VPS36: variants seen among roughly 807,000 people sequenced by gnomAD.
The protein encoded by VPS36 is vacuolar protein-sorting-associated protein 36.
Under a neutral mutation model 63.5 loss-of-function variants are expected in VPS36, and 31 were observed. The ratio of observed to expected loss-of-function variants is 0.49; its 90% CI spans 0.37 to 0.66. The LOEUF (loss-of-function observed/expected upper bound fraction) is 0.66, where lower values mean the gene tolerates loss of function less well. Ranked by LOEUF, VPS36 falls within the 30% of genes least tolerant of loss-of-function variation. The pLI is 0.00. For synonymous variants in VPS36, 138 were observed against 157.2 expected (o/e 0.88, Z 0.91); for missense variants, 338 against 463.7 (o/e 0.73, Z 2.49).
intron 7 of VPS36, 35 bp from the exon 8 acceptor site, chr13:52,427,101 T>C (rs1958109591): frequency 2.5e-6 from 4 of 1,604,364 alleles, no homozygotes; most frequent in African/African-American, 1.3e-5. Context: ...AAAAGCACTA[T>C]TGTCCCCAAA....
At chr13:52,450,339 G>A in intron 1 of VPS36, 160 bp downstream of exon 1, 1 of 1,183,822 alleles carries the variant, frequency 8.4e-7, no homozygotes, top group East Asian at 3.8e-5. Context: ...GGCGGGGAGC[G>A]CAAGAGCGCT....
intron 9 of VPS36, among the ~76,000 whole-genome samples, chr13:52,424,505 T>C (rs965133138): frequency 8.5e-5 from 13 of 152,122 alleles, no homozygotes; most frequent in African/African-American, 3.1e-4. Flanking sequence ...AGGAAATACA[T>C]AGGACCAGAA....
chr13:52,418,573 C>CAAAAAAAAAAAAAAAAAAAAAAA (rs1201650906), intron 10 of VPS36, among the ~76,000 whole-genome samples: 1 of 31,158 alleles, frequency 3.2e-5, no homozygotes, highest in African/African-American at 9.7e-5. Flanking sequence ...GACTCCATCT[C>CAAAAAAAAAAAAAAAAAAAAAAA]AAAAAAAAAA....
intron 1 of VPS36, among the ~76,000 whole-genome samples, chr13:52,445,746 A>C (rs1443808509): frequency 2.8e-5 from 4 of 143,130 alleles, no homozygotes; most frequent in Non-Finnish European, 6.1e-5. Flanking sequence ...GACCATCCTG[A>C]CTAACACGGT....
In VPS36 at chr13:52,415,811, G is replaced by T. The variant is rs1486110621; in HGVS notation, c.*19C>A. On this transcript the variant is annotated 3_prime_UTR_variant, in exon 14 of 14. Coordinates refer to ENST00000378060, the MANE Select transcript of VPS36 (RefSeq NM_016075.4). ...ATGACGCAAGCATATGGACAAAAAG[G>T]ATTTTAAATACAAAACCCTTAGCTC... 1 of 1,611,052 alleles carries T rather than the reference G, an allele frequency of 6.2e-7. No individual in the cohort carries two copies. The highest frequency in any genetic ancestry group is 8.5e-7 in the Non-Finnish European group (1 of 1,178,468).
At chr13:52,429,832 T>C (rs185315825) in intron 6 of VPS36, among the ~76,000 whole-genome samples, 245 of 152,152 alleles carry the variant, frequency 1.6e-3, no homozygotes, top group African/African-American at 5.7e-3. Flanking sequence ...TGCCAGGATC[T>C]AGGCAGGAGA....
At chr13:52,420,907 G>A (rs1399890903) in intron 10 of VPS36, among the ~76,000 whole-genome samples, 1 of 152,200 alleles carries the variant, frequency 6.6e-6, no homozygotes, top group Non-Finnish European at 1.5e-5. Flanking sequence ...GATCACCTTA[G>A]GTCAGGAGTT....
chr13:52,436,292 C>A lies in VPS36; in HGVS notation c.349G>T (p.Glu117Ter). The A allele has an allele frequency of 1.2e-6, 2 of 1,601,546 alleles. No individual in the cohort carries two copies. The highest frequency in any genetic ancestry group is 1.7e-6 in the Non-Finnish European group (2 of 1,172,398). Reference sequence around the variant, plus strand: ...ATTTTATTCATGTAGAAACTTACCTCAATCTGGCCATGTTCTTTGAAGGAG... The same window carrying A: ...ATTTTATTCATGTAGAAACTTACCTAAATCTGGCCATGTTCTTTGAAGGAG... Reference protein sequence around the residue: ...KLSFKEHGQIEFYRRLSEEMT... With the variant: ...KLSFKEHGQI Residue 117 changes from glutamate to a stop codon, truncating the protein, a stop_gained and splice_region_variant, in exon 4 of 14, where the codon GAG becomes TAG. Coordinates refer to ENST00000378060, the MANE Select transcript of VPS36 (RefSeq NM_016075.4). LOFTEE classifies it high-confidence loss of function.
intron 3 of VPS36, among the ~76,000 whole-genome samples, chr13:52,437,235 A>G (rs1958228467): frequency 6.6e-6 from 1 of 152,158 alleles, no homozygotes; most frequent in Non-Finnish European, 1.5e-5. Context: ...CCTAAAGATC[A>G]CTGTAAAATT....
chr13:52,416,183 T>C (rs1957990825), intron 12 of VPS36, 90 bp from the exon 13 acceptor site: 1 of 1,180,166 alleles, frequency 8.5e-7, no homozygotes, highest in African/African-American at 1.5e-5. Context: ...GCAGAATGTA[T>C]ACCAGTATAT....
chr13:52,446,938 C>A (rs756815872), intron 1 of VPS36, among the ~76,000 whole-genome samples: 3 of 146,180 alleles, frequency 2.1e-5, no homozygotes, highest in East Asian at 4.0e-4. Context: ...TGCGATGGTG[C>A]GATCTGGGCT....
intron 1 of VPS36, among the ~76,000 whole-genome samples, chr13:52,445,972 C>T (rs1345114945): frequency 7.4e-6 from 1 of 134,668 alleles, no homozygotes; most frequent in Non-Finnish European, 1.6e-5. Flanking sequence ...AAAAAAAGGC[C>T]GGGCACCTTG....
At chr13:52,442,591 C>T in intron 1 of VPS36, 146 bp from the exon 2 acceptor site, 1 of 682,190 alleles carries the variant, frequency 1.5e-6, no homozygotes, top group Non-Finnish European at 2.4e-6. Flanking sequence ...TTAAAGAGAA[C>T]CAATGCTACA....
intron 6 of VPS36, among the ~76,000 whole-genome samples, chr13:52,429,039 G>A (rs1958130916): frequency 6.6e-6 from 1 of 151,754 alleles, no homozygotes; most frequent in Non-Finnish European, 1.5e-5. Context: ...AATGAGTAAA[G>A]AAACTACCTA....
Position 52,425,967 on chromosome 13 carries a change from T to C in VPS36, c.739A>G (p.Lys247Glu). Residue 247 changes from lysine (K) to glutamate (E), a missense_variant, in exon 9 of 14, where the codon AAA becomes GAA. Physicochemically the swap from Lys to Glu is moderately conservative, Grantham distance 56 (BLOSUM62 1). Coordinates refer to ENST00000378060, the MANE Select transcript of VPS36 (RefSeq NM_016075.4). Reference sequence around the variant, plus strand: ...ACCTGCAATATTCCAGCCAGTTGTTTGGCCAGCTGCATGTGGTACTGTGTG... The same window carrying C: ...ACCTGCAATATTCCAGCCAGTTGTTCGGCCAGCTGCATGTGGTACTGTGTG... ...SGTQYHMQLA[K>E]QLAGILQVPL... is the part of the protein sequence containing the mutation. The C allele has an allele frequency of 6.2e-7, 1 of 1,614,028 alleles. No homozygotes were observed. Among genetic ancestry groups the C allele is most frequent in the Non-Finnish European group, 8.5e-7 (1 of 1,179,936 alleles).
chr13:52,444,441 C>A (rs1490293098), intron 1 of VPS36, among the ~76,000 whole-genome samples: 1 of 150,508 alleles, frequency 6.6e-6, no homozygotes, highest in African/African-American at 2.4e-5. Context: ...GCCTGGGTGA[C>A]AGAGCAAGAC....
intron 5 of VPS36, among the ~76,000 whole-genome samples, chr13:52,434,177 C>A (rs1169799788): frequency 6.6e-6 from 1 of 152,060 alleles, no homozygotes; most frequent in Non-Finnish European, 1.5e-5. Flanking sequence ...TTTAGACAGG[C>A]CTGGAAAACA....
intron 6 of VPS36, among the ~76,000 whole-genome samples, chr13:52,431,662 C>T (rs1251034893): frequency 1.3e-5 from 2 of 150,334 alleles, no homozygotes; most frequent in East Asian, 2.0e-4. Context: ...ACTCGGGAGG[C>T]TAAGGCAGGA....
At chr13:52,422,767 G>C (rs1195632502) in intron 10 of VPS36, among the ~76,000 whole-genome samples, 1 of 152,122 alleles carries the variant, frequency 6.6e-6, no homozygotes, top group Non-Finnish European at 1.5e-5. Context: ...AGACAAGAGA[G>C]GATTTTTAAT....
Sources: gnomAD v4.1 joint callset for allele counts (sites outside exome capture counted in the v4.1 genomes callset) on GRCh38, gnomAD v4.1.1 for gene constraint, MANE v1.5 for transcripts, NCBI Gene and HGNC (gene_info 2026-07-23, HGNC 2026-07-21) for gene names.